The following XPO7 variants were observed in gnomAD, a reference collection of about 807,000 sequenced individuals.
XPO7 encodes exportin-7.
In XPO7, 21 loss-of-function variants were observed where a neutral mutation model predicts 144.3. The ratio of observed to expected loss-of-function variants is 0.15; its 90% CI spans 0.10 to 0.21. The LOEUF is 0.21. Among genes scored for constraint, XPO7 ranks in the 10% least tolerant of loss-of-function variants. The pLI is 1.00. For synonymous variants in XPO7, 580 were observed against 499.6 expected (o/e 1.16, Z -2.15); for missense variants, 808 against 1,325.8 (o/e 0.61, Z 6.06).
In XPO7 at chr8:21,998,752, C is replaced by T. The variant is rs193210796; in HGVS notation, c.2346-3C>T. On this transcript the variant is annotated splice_polypyrimidine_tract_variant and splice_region_variant and intron_variant, in intron 21 of 27. Transcript: ENST00000252512. Reference sequence around the variant, plus strand: ...TTTTTCTCCTCCTGTGCTCTCTGCTCAGGTCCCAGCGACTCCAGTTTGATG... The same window carrying T: ...TTTTTCTCCTCCTGTGCTCTCTGCTTAGGTCCCAGCGACTCCAGTTTGATG... The T allele has an allele frequency of 3.7e-3, 6,052 of 1,613,876 alleles. 57 individuals carry two copies. The highest frequency in any genetic ancestry group is 0.024 in the South Asian group (2,223 of 91,076).
At chr8:21,952,049 TC>T (rs957771759) in intron 1 of XPO7, among the ~76,000 whole-genome samples, 1 of 152,180 alleles carries the variant, frequency 6.6e-6, no homozygotes, top group Non-Finnish European at 1.5e-5. Context: ...GTTACTTCTC[TC>T]CTTTCCTAGG....
At chr8:21,968,462 C>G (rs550791869) in intron 2 of XPO7, among the ~76,000 whole-genome samples, 2 of 152,282 alleles carry the variant, frequency 1.3e-5, no homozygotes, top group East Asian at 1.9e-4. Context: ...GTGGTCTGTT[C>G]TGTTTTACGC....
chr8:21,933,411 TG>T (rs1810720628), intron 1 of XPO7, among the ~76,000 whole-genome samples: 1 of 152,220 alleles, frequency 6.6e-6, no homozygotes, highest in Non-Finnish European at 1.5e-5. Flanking sequence ...CTCCTTTTGC[TG>T]GATTTTACAG....
chr8:21,952,689 C>T (rs566177333), intron 1 of XPO7, among the ~76,000 whole-genome samples: 4 of 152,318 alleles, frequency 2.6e-5, no homozygotes, highest in East Asian at 1.9e-4. Flanking sequence ...CAGAGAGCCA[C>T]GCTTGGTTAC....
At chr8:21,923,622 A>G (rs931016629) in intron 1 of XPO7, among the ~76,000 whole-genome samples, 2 of 152,250 alleles carry the variant, frequency 1.3e-5, no homozygotes, top group African/African-American at 2.4e-5. Context: ...TAACACAGAA[A>G]AAACAAAATA....
intron 1 of XPO7, chr8:21,966,292 C>T (rs1018150847): frequency 2.6e-6 from 2 of 780,446 alleles, no homozygotes; most frequent in Admixed American, 3.4e-5. Context: ...GAACTTTAGA[C>T]ATGAGGGATC....
intron 1 of XPO7, among the ~76,000 whole-genome samples, chr8:21,954,765 G>A (rs1811482000): frequency 6.6e-6 from 1 of 152,196 alleles, no homozygotes; most frequent in African/African-American, 2.4e-5. Context: ...AATGAAGTGA[G>A]TTTATACAAC....
chr8:21,958,129 T>G (rs747487729), intron 1 of XPO7, among the ~76,000 whole-genome samples: 10 of 152,198 alleles, frequency 6.6e-5, no homozygotes, highest in Non-Finnish European at 1.5e-4. Flanking sequence ...CAAATACCTT[T>G]AAAAAGTGGC....
At chr8:21,944,215 C>A (rs1462892400) in intron 1 of XPO7, among the ~76,000 whole-genome samples, 1 of 152,096 alleles carries the variant, frequency 6.6e-6, no homozygotes, top group African/African-American at 2.4e-5. Context: ...TAGGTAAGGA[C>A]ATTCATTCAG....
Position 21,984,675 on chromosome 8 carries a change from C to T in XPO7, c.1307C>T (p.Thr436Met), listed in dbSNP as rs1812519263. 8 of 1,613,302 alleles carry T rather than the reference C, an allele frequency of 5.0e-6. No homozygotes were observed. Among genetic ancestry groups the T allele is most frequent in the Middle Eastern group, 1.7e-4 (1 of 6,060 alleles). ...GGCCTGGAAGATCCCCTGGAGGATA[C>T]GGGGCTGGTCCAGCAGCAGTTGGAC... ...RDGLEDPLED[T>M]GLVQQQLDQL... The change falls in exon 12 of 28, where the codon ACG (threonine) becomes ATG (methionine). Residue 436 changes from threonine to methionine, a missense_variant. Thr to Met is a moderately conservative substitution (Grantham distance 81, BLOSUM62 -1). Coordinates refer to ENST00000252512, the MANE Select transcript of XPO7 (RefSeq NM_015024.5).
chr8:21,982,530 T>G, intron 10 of XPO7, 110 bp from the exon 11 acceptor site: 3,330 of 1,229,360 alleles, frequency 2.7e-3, no homozygotes, highest in Non-Finnish European at 3.4e-3. Flanking sequence ...CAAAAGTCTA[T>G]CCTCTTTTTT....
Position 21,995,560 on chromosome 8 carries a change from C to T in XPO7, c.2306C>T (p.Thr769Ile). 1.2e-6 allele frequency: 2 copies of T among 1,608,708 alleles called. No individual in the cohort carries two copies. The highest frequency in any genetic ancestry group is 1.1e-5 in the South Asian group (1 of 89,622). The change falls in exon 21 of 28, where the codon ACA (threonine) becomes ATA (isoleucine). Residue 769 changes from threonine to isoleucine, a missense_variant. Thr to Ile is a moderately conservative substitution (Grantham distance 89). This residue lies in a region of XPO7 where 416 missense variants were observed against 612.5 expected (regional missense o/e 0.68). Coordinates refer to ENST00000252512, the MANE Select transcript of XPO7 (RefSeq NM_015024.5). ...ELWYHDPACT[T>I]PVLKLMAELV... is the part of the protein sequence containing the mutation. ...TGGTACCATGATCCAGCCTGTACTACACCTGTACTCAAGTTGATGGCTGAA... is the reference window on the plus strand; with the variant it reads ...TGGTACCATGATCCAGCCTGTACTATACCTGTACTCAAGTTGATGGCTGAA...
intron 17 of XPO7, 143 bp from the exon 18 acceptor site, chr8:21,990,668 C>T: frequency 1.4e-6 from 1 of 699,064 alleles, no homozygotes; most frequent in Non-Finnish European, 2.2e-6. Context: ...AGCCTGCCTT[C>T]AAAAAAAAAA....
chr8:22,002,834 A>G (rs1813198220), intron 25 of XPO7, among the ~76,000 whole-genome samples: 1 of 152,204 alleles, frequency 6.6e-6, no homozygotes, highest in Non-Finnish European at 1.5e-5. Flanking sequence ...AAGCAGTGAA[A>G]TAATTCAGGA....
Position 21,981,782 on chromosome 8 carries a change from T to C in XPO7, c.1009T>C (p.Leu337=), listed in dbSNP as rs748311325. 5.0e-6 allele frequency: 8 copies of C among 1,613,864 alleles called. No homozygotes were observed. In the East Asian group the frequency reaches 6.7e-5, roughly 13 times the overall value. ...YHEFCRLLAR[L]KSNYQLGELV... ...TGAGTTTTGCAGACTACTGGCCCGA[T>C]TGAAGAGTAACTATCAACTGGGAGA... The change falls in exon 10 of 28, where the codon TTG becomes CTG. Residue 337 remains leucine, a synonymous_variant. Coordinates refer to ENST00000252512, the MANE Select transcript of XPO7 (RefSeq NM_015024.5).
intron 11 of XPO7, among the ~76,000 whole-genome samples, chr8:21,983,166 A>G (rs1418187176): frequency 6.6e-6 from 1 of 152,242 alleles, no homozygotes; most frequent in Non-Finnish European, 1.5e-5. Context: ...ATAGGTGCTT[A>G]ATGTGAACTC....
intron 4 of XPO7, 102 bp from the exon 5 acceptor site, chr8:21,971,774 C>T: frequency 3.5e-6 from 3 of 857,108 alleles, no homozygotes; most frequent in Non-Finnish European, 5.3e-6. Flanking sequence ...GGCAGTTTTA[C>T]TAATGACACA....
At chr8:21,943,323 G>C (rs1017727680) in intron 1 of XPO7, among the ~76,000 whole-genome samples, 1 of 152,164 alleles carries the variant, frequency 6.6e-6, no homozygotes, top group African/African-American at 2.4e-5. Flanking sequence ...TTTTATGGCA[G>C]TTCCTTTTGA....
chr8:21,988,144 C>CA (rs1427030789), intron 15 of XPO7, among the ~76,000 whole-genome samples: 1 of 152,200 alleles, frequency 6.6e-6, no homozygotes, highest in Non-Finnish European at 1.5e-5. Flanking sequence ...AACAGACCTC[C>CA]ACCCCAGTAA....
Sources: gnomAD v4.1 joint callset for allele counts (sites outside exome capture counted in the v4.1 genomes callset) on GRCh38, gnomAD v4.1.1 for gene constraint, gnomAD v4.1.1 regional missense constraint, MANE v1.5 for transcripts, NCBI Gene and HGNC (gene_info 2026-07-23, HGNC 2026-07-21) for gene names.